The following TRMT9B variants were observed in gnomAD, a reference collection of about 807,000 sequenced individuals.
TRMT9B encodes probable tRNA methyltransferase 9B.
In TRMT9B, 16 loss-of-function variants were observed where a neutral mutation model predicts 11.5. The ratio of observed to expected loss-of-function variants is 1.39; its 90% CI spans 0.94 to 2.11. The LOEUF (loss-of-function observed/expected upper bound fraction) is 2.11, where lower values mean the gene tolerates loss of function less well. TRMT9B is among the 30% of genes most tolerant of loss of function. The pLI, the probability that TRMT9B is intolerant of heterozygous loss-of-function variation, is 0.00. For synonymous variants in TRMT9B, 274 were observed against 192.4 expected, an observed-to-expected ratio of 1.42 and a Z score of -3.51; for missense variants, 941 against 553.8, an observed-to-expected ratio of 1.70 and a Z score of -7.02.
At chr8:12,985,171 C>G (rs999187996) in intron 1 of TRMT9B, among the ~76,000 whole-genome samples, 1 of 152,184 alleles carries the variant, frequency 6.6e-6, no homozygotes, top group East Asian at 1.9e-4. Flanking sequence ...ACGCCCCTCA[C>G]GTTGTTCACT....
chr8:13,023,192 C>T lies in TRMT9B; in HGVS notation c.*1148C>T, dbSNP rs1011150416. 8 of 167,074 alleles carry T rather than the reference C, an allele frequency of 4.8e-5. No individual in the cohort carries two copies. Among genetic ancestry groups the T allele is most frequent in the Non-Finnish European group, 8.8e-5 (6 of 68,126 alleles). 10.3% of individuals were successfully genotyped at this position (167,074 alleles called of 1,614,324 possible). A position where few individuals can be genotyped will look rare whatever the true frequency, so the allele number is the denominator to read the frequency against. ...GATGAATATCCAAGACCAAGATTGA[C>T]TAATGATGAGTCTGCATCAAGAACT... On this transcript the variant is annotated 3_prime_UTR_variant, in exon 5 of 5. Coordinates refer to ENST00000524591, the MANE Select transcript of TRMT9B (RefSeq NM_020844.3).
At chr8:12,997,121 T>C (rs1585271286) in intron 2 of TRMT9B, among the ~76,000 whole-genome samples, 1 of 152,108 alleles carries the variant, frequency 6.6e-6, no homozygotes, top group South Asian at 2.1e-4. Context: ...TTGTGGAATG[T>C]ATATCATTTG....
At chr8:12,962,542 G>T (rs1009983279) in intron 1 of TRMT9B, among the ~76,000 whole-genome samples, 1 of 152,072 alleles carries the variant, frequency 6.6e-6, no homozygotes, top group East Asian at 1.9e-4. Context: ...CCAGGCTGGA[G>T]TGCAGTGGTG....
chr8:13,025,335 A>T lies in TRMT9B; in HGVS notation c.*3291A>T, dbSNP rs148310801. 0.021 allele frequency: 3,511 copies of T among 165,582 alleles called. 73 individuals carry two copies. The highest frequency in any genetic ancestry group is 0.024 in the Non-Finnish European group (1,671 of 68,226). 10.3% of individuals were successfully genotyped at this position (165,582 alleles called of 1,614,324 possible). ...GGAGTTTGAGACCAGCCTGACCAAC[A>T]TGGTGAAACCCCGTCTTTATTAAAT... On this transcript the variant is annotated 3_prime_UTR_variant, in exon 5 of 5. Coordinates refer to ENST00000524591, the MANE Select transcript of TRMT9B (RefSeq NM_020844.3).
chr8:13,010,542 G>A, intron 3 of TRMT9B: 2 of 984,908 alleles, frequency 2.0e-6, no homozygotes, highest in African/African-American at 1.7e-5. Context: ...ATTTAAACAT[G>A]AAGGCCATTA....
chr8:12,961,488 T>G (rs910230825), intron 1 of TRMT9B, among the ~76,000 whole-genome samples: 1 of 151,300 alleles, frequency 6.6e-6, no homozygotes. Flanking sequence ...GATCACGAGG[T>G]CAGGAGATGG....
At chr8:13,000,666 G>A (rs1426641233) in intron 2 of TRMT9B, among the ~76,000 whole-genome samples, 1 of 152,132 alleles carries the variant, frequency 6.6e-6, no homozygotes, top group African/African-American at 2.4e-5. Context: ...TTGTTTTAAG[G>A]TTACCTCGTA....
chr8:12,956,549 G>T (rs1470099678), intron 1 of TRMT9B, among the ~76,000 whole-genome samples: 1 of 152,182 alleles, frequency 6.6e-6, no homozygotes, highest in Non-Finnish European at 1.5e-5. Flanking sequence ...GAAAATGATT[G>T]TTTAAAAATT....
chr8:12,957,107 G>T (rs1801415917), intron 1 of TRMT9B, among the ~76,000 whole-genome samples: 1 of 152,210 alleles, frequency 6.6e-6, no homozygotes, highest in South Asian at 2.1e-4. Context: ...CGAAGAGAAA[G>T]TGGTGTATTC....
At chr8:12,992,329 A>T (rs1585243480) in intron 2 of TRMT9B, among the ~76,000 whole-genome samples, 2 of 152,150 alleles carry the variant, frequency 1.3e-5, no homozygotes, top group Non-Finnish European at 2.9e-5. Context: ...AAAATGTCCT[A>T]AGAGTGATAG....
chr8:13,019,595 G>C (rs966061818), intron 4 of TRMT9B, among the ~76,000 whole-genome samples: 2 of 152,132 alleles, frequency 1.3e-5, no homozygotes, highest in African/African-American at 4.8e-5. Flanking sequence ...CACACAGCAC[G>C]GGAGATATTA....
At chr8:12,991,787 C>A (rs1209727550) in intron 2 of TRMT9B, among the ~76,000 whole-genome samples, 1 of 152,014 alleles carries the variant, frequency 6.6e-6, no homozygotes, top group African/African-American at 2.4e-5. Context: ...ACAACTTAGC[C>A]AGGCGTGGTG....
chr8:12,953,774 G>C (rs1041723348), intron 1 of TRMT9B, among the ~76,000 whole-genome samples: 1 of 152,166 alleles, frequency 6.6e-6, no homozygotes, highest in African/African-American at 2.4e-5. Flanking sequence ...TCACTTGGGA[G>C]GGTGGAAGTG....
rs1810455792 is a variant in TRMT9B, at chr8:13,006,333, C to T, written c.131C>T (p.Pro44Leu). 1 of 1,601,024 alleles carries T rather than the reference C, an allele frequency of 6.2e-7. No individual in the cohort carries two copies. Among genetic ancestry groups the T allele is most frequent in the East Asian group, 2.2e-5 (1 of 44,618 alleles). The change falls in exon 3 of 5, where the codon CCA becomes CTA. Residue 44 changes from proline (P) to leucine (L), a missense_variant. Transcript: ENST00000524591. ...RVRQFLQEQK[P>L]GSLIADIGCG... is the part of the protein sequence containing the mutation. ...CGCCAGTTCCTGCAAGAGCAGAAGC[C>T]AGGCAGCCTCATCGCTGACATAGGT...
chr8:12,960,872 G>C lies in TRMT9B; in HGVS notation c.-200+14906G>C, dbSNP rs367930985. Among the ~76,000 whole-genome samples, 7 of 152,300 alleles carry C rather than the reference G, an allele frequency of 4.6e-5. No homozygotes were observed. The South Asian group carries it at 1.4e-3, about 32-fold the overall frequency. On this transcript the variant is annotated intron_variant, in intron 1 of 4. Coordinates refer to ENST00000524591, the MANE Select transcript of TRMT9B (RefSeq NM_020844.3). ...GGGCAATAAAACTGGGCTGGGCGCGGTGGCTCACACCTGTAATCCCAGCAC... is the reference window on the plus strand; with the variant it reads ...GGGCAATAAAACTGGGCTGGGCGCGCTGGCTCACACCTGTAATCCCAGCAC...
chr8:12,962,429 A>G (rs1250189907), intron 1 of TRMT9B, among the ~76,000 whole-genome samples: 4 of 152,160 alleles, frequency 2.6e-5, no homozygotes, highest in Admixed American at 2.0e-4. Flanking sequence ...CAGTATGTGC[A>G]TACAGAAGAT....
At position 13,024,965 on chromosome 8, in the gene TRMT9B, C is replaced by G. The variant is rs114835273; in HGVS notation, c.*2921C>G. 1 of 166,932 alleles carries G rather than the reference C, an allele frequency of 6.0e-6. No individual in the cohort carries two copies. The highest frequency in any genetic ancestry group is 1.5e-5 in the Non-Finnish European group (1 of 68,106). The allele number at this position is 166,932 out of a possible 1,614,324, so 10.3% of individuals were successfully genotyped here. ...GTAAACGTCTTGATCATTTAAAAAGCTTGCTTGTCCTCGAAAGGAAACACA... is the reference window on the plus strand; with the variant it reads ...GTAAACGTCTTGATCATTTAAAAAGGTTGCTTGTCCTCGAAAGGAAACACA... On this transcript the variant is annotated 3_prime_UTR_variant, in exon 5 of 5. Transcript: ENST00000524591.
chr8:12,979,351 G>T (rs540322430), intron 1 of TRMT9B, among the ~76,000 whole-genome samples: 1 of 152,224 alleles, frequency 6.6e-6, no homozygotes, highest in African/African-American at 2.4e-5. Flanking sequence ...AGCTGCCTTA[G>T]CACTACAGCT....
At position 13,011,562 on chromosome 8, in the gene TRMT9B, A is replaced by T. The variant is rs577356080; in HGVS notation, c.155-1122A>T. On this transcript the variant is annotated intron_variant, in intron 3 of 4. Coordinates refer to ENST00000524591, the MANE Select transcript of TRMT9B (RefSeq NM_020844.3). ...AAAGTAATTAGATTATATATCTGTG[A>T]TAGAATATAATACTAAGTATTAGAC... is the stretch of plus-strand genomic sequence containing the variant. The T allele has an allele frequency of 4.4e-5, 41 of 931,554 alleles. No homozygotes were observed. In the African/African-American group the frequency reaches 7.3e-4, roughly 17 times the overall value. 57.7% of individuals were successfully genotyped at this position (931,554 alleles called of 1,614,324 possible). A position where few individuals can be genotyped will look rare whatever the true frequency, so the allele number is the denominator to read the frequency against.
Sources: gnomAD v4.1 joint callset for allele counts (sites outside exome capture counted in the v4.1 genomes callset) on GRCh38, gnomAD v4.1.1 for gene constraint, MANE v1.5 for transcripts, NCBI Gene and HGNC (gene_info 2026-07-23, HGNC 2026-07-21) for gene names.